The following COL1A2 variants were observed in gnomAD, a reference collection of about 807,000 sequenced individuals.
COL1A2 encodes the protein collagen alpha-2(I) chain.
COL1A2 carries 49 observed loss-of-function variants against 174.3 expected under a neutral mutation model. The ratio of observed to expected loss-of-function variants is 0.28; its 90% confidence interval spans 0.22 to 0.36. The LOEUF (loss-of-function observed/expected upper bound fraction) is 0.36, where lower values mean the gene tolerates loss of function less well. COL1A2 is among the 10% of genes least tolerant of loss of function. The pLI is 1.00. For missense variants in COL1A2, 1,438 were observed against 1,822.7 expected, an observed-to-expected ratio of 0.79 and a Z score of 3.84; for synonymous variants, 655 against 606.6, an observed-to-expected ratio of 1.08 and a Z score of -1.17.
At chr7:94,429,698 A>G in intron 51 of COL1A2, 1 of 389,438 alleles carries the variant, frequency 2.6e-6, no homozygotes, top group Admixed American at 4.3e-5. Context: ...TACTATGTCC[A>G]TGCATTGTTT....
rs1394583349 is a variant in COL1A2, at chr7:94,411,105, C to T, written c.1301C>T (p.Pro434Leu). ...GASGPAGVRG[P>L]NGDAGRPGEP... ...AGTGGCCCTGCTGGAGTCCGAGGAC[C>T]TAATGGAGATGCTGGTCGCCCTGGG... The change falls in exon 23 of 52, where the codon CCT becomes CTT. Residue 434 changes from proline (P) to leucine (L), a missense_variant. Around this residue, in one of 3 missense-constraint regions of COL1A2, gnomAD observed 867 missense variants for 1,213.7 expected, o/e 0.71. Coordinates refer to ENST00000297268, the MANE Select transcript of COL1A2 (RefSeq NM_000089.4). 6.2e-7 allele frequency: 1 copy of T among 1,604,858 alleles called. No individual in the cohort carries two copies. Among genetic ancestry groups the T allele is most frequent in the Non-Finnish European group, 8.5e-7 (1 of 1,175,504 alleles).
chr7:94,413,266 A>G, intron 26 of COL1A2, 130 bp downstream of exon 26: 2 of 940,970 alleles, frequency 2.1e-6, no homozygotes, highest in Non-Finnish European at 3.4e-6. Context: ...TCCTTTTACT[A>G]TCATAAAATG....
chr7:94,426,941 A>T, intron 46 of COL1A2, 67 bp from the exon 47 acceptor site: 1 of 159,268 alleles, frequency 6.3e-6, no homozygotes, highest in Non-Finnish European at 8.7e-6. Flanking sequence ...TCAATTTGGA[A>T]AAAAAAAAAA....
rs2115971295 is a variant in COL1A2, at chr7:94,430,619, A to G, written c.*226A>G. 1 of 551,734 alleles carries G rather than the reference A, an allele frequency of 1.8e-6. No individual in the cohort carries two copies. Among genetic ancestry groups the G allele is most frequent in the Middle Eastern group, 4.8e-4 (1 of 2,072 alleles). 34.2% of individuals were successfully genotyped at this position (551,734 alleles called of 1,614,324 possible). A position where few individuals can be genotyped will look rare whatever the true frequency, so the allele number is the denominator to read the frequency against. ...CCCAAAAATTTGAATTTTTTTTTCA[A>G]CACTCTTACACCTGTTATGGAAAAT... On this transcript the variant is annotated 3_prime_UTR_variant, in exon 52 of 52. Transcript: ENST00000297268.
At chr7:94,413,669 C>G in intron 26 of COL1A2, 21 bp from the exon 27 acceptor site, 1 of 1,613,480 alleles carries the variant, frequency 6.2e-7, no homozygotes, top group Non-Finnish European at 8.5e-7. Flanking sequence ...AACCATCAGC[C>G]TTTCTGTTAA....
rs1791623136 is a variant in COL1A2, at chr7:94,398,375, T to A, written c.82-7T>A. 1 of 916,754 alleles carries A rather than the reference T, an allele frequency of 1.1e-6. No homozygotes were observed. The allele number at this position is 916,754 out of a possible 1,614,324, so 56.8% of individuals were successfully genotyped here. On this transcript the variant is annotated splice_region_variant and splice_polypyrimidine_tract_variant and intron_variant, in intron 2 of 51. Transcript: ENST00000297268. ...TTCATAATAATCTTTGATTTATTCTTTTCTAGGAAACTGTAAGAAAGGTAA... is the reference window on the plus strand; with the variant it reads ...TTCATAATAATCTTTGATTTATTCTATTCTAGGAAACTGTAAGAAAGGTAA...
At position 94,425,995 on chromosome 7, in the gene COL1A2, C is replaced by T. The variant is rs1408725826; in HGVS notation, c.2944-3C>T. ...AGTTGTGTTTTTCTTTTTCATTTCA[C>T]AGGGTCCTTCTGGTCCTGTTGGTCC... On this transcript the variant is annotated splice_region_variant and splice_polypyrimidine_tract_variant and intron_variant, in intron 44 of 51. Coordinates refer to ENST00000297268, the MANE Select transcript of COL1A2 (RefSeq NM_000089.4). 5 of 1,613,942 alleles carry T rather than the reference C, an allele frequency of 3.1e-6. No homozygotes were observed. The highest frequency in any genetic ancestry group is 3.3e-5 in the Admixed American group (2 of 60,008).
At chr7:94,411,490 G>A (rs888475040) in intron 23 of COL1A2, among the ~76,000 whole-genome samples, 12 of 152,058 alleles carry the variant, frequency 7.9e-5, no homozygotes, top group Admixed American at 6.6e-4. Context: ...AATATATTAG[G>A]ACTATACATT....
intron 46 of COL1A2, 81 bp from the exon 47 acceptor site, chr7:94,426,927 C>T: frequency 8.1e-7 from 1 of 1,236,438 alleles, no homozygotes; most frequent in Non-Finnish European, 1.2e-6. Flanking sequence ...CTAAAGTTTC[C>T]CATTCAATTT....
chr7:94,412,941 T>C, intron 25 of COL1A2, 142 bp from the exon 26 acceptor site: 1 of 849,914 alleles, frequency 1.2e-6, no homozygotes, highest in Middle Eastern at 2.3e-4. Context: ...TGATGGATCA[T>C]CCTTAGATAA....
rs191717459 is a variant in COL1A2, at chr7:94,429,428, T to C, written c.3952T>C (p.Ser1318Pro). ...TTACACTGTTCTTGTAGATGGCTGC[T>C]CTGTAAGTAATAGTGAAATATGGGA... Reference protein sequence around the residue: ...FTYTVLVDGCSKKTNEWGKTI... With the variant: ...FTYTVLVDGCPKKTNEWGKTI... Residue 1318 changes from serine (S) to proline (P), a missense_variant and splice_region_variant, in exon 51 of 52, where the codon TCT becomes CCT. Ser to Pro is a moderately conservative substitution (Grantham distance 74). This residue lies in a region of COL1A2 where 290 missense variants were observed against 298.1 expected (regional missense o/e 0.97). Transcript: ENST00000297268. 11 of 1,613,938 alleles carry C rather than the reference T, an allele frequency of 6.8e-6. No individual in the cohort carries two copies. In the African/African-American group the frequency reaches 1.3e-4, roughly 20 times the overall value.
rs1200721271 is a variant in COL1A2, at chr7:94,410,545, C to A, written c.1197+18C>A. On this transcript the variant is annotated intron_variant, in intron 21 of 51. Transcript: ENST00000297268. ...GGCTGAGAGTAGGTTTCAAATGCTCCCAACACCCTAACACACCAGAGGCAG... is the reference window on the plus strand; with the variant it reads ...GGCTGAGAGTAGGTTTCAAATGCTCACAACACCCTAACACACCAGAGGCAG... 18 of 1,531,496 alleles carry A rather than the reference C, an allele frequency of 1.2e-5. No homozygotes were observed. In the East Asian group the frequency reaches 4.2e-4, roughly 35 times the overall value. 94.9% of individuals were successfully genotyped at this position (1,531,496 alleles called of 1,614,324 possible).
rs1584320262 is a variant in COL1A2, at chr7:94,410,947, G to A, written c.1251+5G>A. 6.2e-7 allele frequency: 1 copy of A among 1,614,008 alleles called. No homozygotes were observed. Among genetic ancestry groups the A allele is most frequent in the East Asian group, 2.2e-5 (1 of 44,874 alleles). ...GATGGCAGAGCTGGCGTCATGGTAAGCTGTCTATCACTTACTTCCTAGAAA... is the reference window on the plus strand; with the variant it reads ...GATGGCAGAGCTGGCGTCATGGTAAACTGTCTATCACTTACTTCCTAGAAA... On this transcript the variant is annotated splice_donor_5th_base_variant and intron_variant, in intron 22 of 51. Transcript: ENST00000297268.
chr7:94,422,158 G>A, intron 39 of COL1A2: 1 of 463,186 alleles, frequency 2.2e-6, no homozygotes, highest in Non-Finnish European at 3.8e-6. Flanking sequence ...TTTTATTCAT[G>A]TGAACACCAG....
intron 27 of COL1A2, 66 bp downstream of exon 27, chr7:94,413,809 C>T (rs1791982231): frequency 6.2e-7 from 1 of 1,608,320 alleles, no homozygotes; most frequent in Non-Finnish European, 8.5e-7. Context: ...AACTGGCCAT[C>T]TCCATTTTCA....
At position 94,425,822 on chromosome 7, in the gene COL1A2, G is replaced by A. The variant is rs750745229; in HGVS notation, c.2908G>A (p.Gly970Ser). 6.2e-7 allele frequency: 1 copy of A among 1,612,438 alleles called. No homozygotes were observed. The highest frequency in any genetic ancestry group is 1.1e-5 in the South Asian group (1 of 90,730). Residue 970 changes from glycine (G) to serine (S), a missense_variant, in exon 44 of 52, where the codon GGT becomes AGT. Coordinates refer to ENST00000297268, the MANE Select transcript of COL1A2 (RefSeq NM_000089.4). Reference protein sequence around the residue: ...AGAPGPHGPVGPAGKHGNRGE... With the variant: ...AGAPGPHGPVSPAGKHGNRGE... ...TGCACCTGGTCCTCATGGCCCCGTG[G>A]GTCCTGCTGGCAAACATGGAAACCG...
chr7:94,406,139 C>A, intron 11 of COL1A2, 111 bp from the exon 12 acceptor site: 2 of 1,093,568 alleles, frequency 1.8e-6, no homozygotes, highest in Non-Finnish European at 2.8e-6. Context: ...CTTTCTACTG[C>A]AGCAGACAAG....
chr7:94,424,196 T>C, intron 40 of COL1A2, 140 bp from the exon 41 acceptor site: 1 of 699,606 alleles, frequency 1.4e-6, no homozygotes. Context: ...AGAGAAAAGA[T>C]ATCCAAGGAT....
rs2115972452 is a variant in COL1A2 at position 94,430,999 on chromosome 7, T to C, written c.*606T>C. On this transcript the variant is annotated 3_prime_UTR_variant, in exon 52 of 52. Coordinates refer to ENST00000297268, the MANE Select transcript of COL1A2 (RefSeq NM_000089.4). The stretch of plus-strand genomic sequence containing the variant: ...TTTAAAAAATTTGATTTAGCATTCA[T>C]ATTTTCCATCTTATTCCCAATTAAA... The C allele has an allele frequency of 6.6e-6, 1 of 152,502 alleles. No homozygotes were observed. Among genetic ancestry groups the C allele is most frequent in the East Asian group, 1.9e-4 (1 of 5,136 alleles). The allele number at this position is 152,502 out of a possible 1,614,324, so 9.4% of individuals were successfully genotyped here. A position where few individuals can be genotyped will look rare whatever the true frequency, so the allele number is the denominator to read the frequency against.
Sources: allele counts gnomAD v4.1 joint callset (sites outside exome capture counted in the v4.1 genomes callset), GRCh38; gene constraint gnomAD v4.1.1; regional missense constraint gnomAD v4.1.1; transcripts MANE v1.5; gene names NCBI Gene and HGNC (gene_info 2026-07-23, HGNC 2026-07-21).